CPNE8: variants seen among roughly 807,000 people sequenced by gnomAD.
CPNE8 encodes the protein copine-8.
Under a neutral mutation model 81.5 loss-of-function variants are expected in CPNE8, and 45 were observed. That is an observed-to-expected ratio of 0.55 (90% confidence interval 0.44 to 0.71). The LOEUF (loss-of-function observed/expected upper bound fraction) is 0.71, where lower values mean the gene tolerates loss of function less well. Among genes scored for constraint, CPNE8 ranks in the 30% least tolerant of loss-of-function variants. CPNE8 has a pLI of 0.00. For synonymous variants in CPNE8, 252 were observed against 226.3 expected, an observed-to-expected ratio of 1.11 and a Z score of -1.02; for missense variants, 594 against 672.1, an observed-to-expected ratio of 0.88 and a Z score of 1.28.
intron 19 of CPNE8, among the ~76,000 whole-genome samples, chr12:38,659,676 AC>A (rs1938906224): frequency 6.6e-6 from 1 of 152,212 alleles, no homozygotes; most frequent in South Asian, 2.1e-4. Context: ...ATGTAAAAGA[AC>A]AAAAATCACA....
Position 38,839,939 on chromosome 12 carries a change from T to C in CPNE8, c.307A>G (p.Lys103Glu). 6.3e-7 allele frequency: 1 copy of C among 1,582,814 alleles called. No individual in the cohort carries two copies. Among genetic ancestry groups the C allele is most frequent in the Non-Finnish European group, 8.6e-7 (1 of 1,158,698 alleles). The change falls in exon 5 of 20, where the codon AAG becomes GAG. Residue 103 changes from lysine (K) to glutamate (E), a missense_variant. Physicochemically the swap from Lys to Glu is moderately conservative, Grantham distance 56. Transcript: ENST00000331366. The stretch of plus-strand genomic sequence containing the variant: ...ACATGTTTGGATAAGTTGGGGCTCT[T>C]TGAATCAACATCATACCTAAAAGAT... ...LRFDLYDVDS[K>E]SPNLSKHDFL...
intron 6 of CPNE8, among the ~76,000 whole-genome samples, chr12:38,777,614 A>C (rs1941962891): frequency 6.6e-6 from 1 of 152,268 alleles, no homozygotes; most frequent in South Asian, 2.1e-4. Context: ...ATTCATGGTA[A>C]GTACCCTACA....
At chr12:38,886,056 AG>A (rs1377945906) in intron 1 of CPNE8, among the ~76,000 whole-genome samples, 1 of 152,150 alleles carries the variant, frequency 6.6e-6, no homozygotes, top group African/African-American at 2.4e-5. Flanking sequence ...CTTTACAGCA[AG>A]GGGAGAACAG....
At chr12:38,875,018 A>AT (rs775895301) in intron 1 of CPNE8, among the ~76,000 whole-genome samples, 2 of 152,190 alleles carry the variant, frequency 1.3e-5, no homozygotes, top group Non-Finnish European at 2.9e-5. Flanking sequence ...TTATGTTGCT[A>AT]TTACGGTTTC....
intron 10 of CPNE8, among the ~76,000 whole-genome samples, chr12:38,739,705 G>T (rs114674444): frequency 2.0e-5 from 3 of 151,872 alleles, no homozygotes; most frequent in Non-Finnish European, 4.4e-5. Flanking sequence ...ATTAATTAGC[G>T]GATACCAAAA....
chr12:38,670,194 T>C (rs2136643083), intron 19 of CPNE8, among the ~76,000 whole-genome samples: 1 of 152,298 alleles, frequency 6.6e-6, no homozygotes, highest in Non-Finnish European at 1.5e-5. Flanking sequence ...TTTGCTCCCT[T>C]AAAATTTTGA....
At chr12:38,751,989 T>C (rs992439436) in intron 10 of CPNE8, among the ~76,000 whole-genome samples, 1 of 152,220 alleles carries the variant, frequency 6.6e-6, no homozygotes, top group African/African-American at 2.4e-5. Flanking sequence ...AAAAAATTCA[T>C]CCTCAGTATT....
chr12:38,754,557 T>A (rs1320726404), intron 10 of CPNE8, among the ~76,000 whole-genome samples: 1 of 151,948 alleles, frequency 6.6e-6, no homozygotes. Flanking sequence ...TTAATTAATA[T>A]AATTTCTATT....
chr12:38,704,406 A>G (rs1940034128), intron 13 of CPNE8, among the ~76,000 whole-genome samples: 1 of 152,078 alleles, frequency 6.6e-6, no homozygotes. Context: ...GTATTTACAG[A>G]TATAGATAAA....
At chr12:38,760,124 A>G (rs925751785) in intron 10 of CPNE8, among the ~76,000 whole-genome samples, 1 of 152,144 alleles carries the variant, frequency 6.6e-6, no homozygotes, top group African/African-American at 2.4e-5. Context: ...TTTCCCATTT[A>G]TCATTCTCCT....
At chr12:38,892,000 G>C (rs2137144280) in intron 1 of CPNE8, among the ~76,000 whole-genome samples, 1 of 152,316 alleles carries the variant, frequency 6.6e-6, no homozygotes, top group South Asian at 2.1e-4. Context: ...GAATGTACAA[G>C]AAATGTTGTC....
At chr12:38,837,993 A>G (rs1377161345) in intron 5 of CPNE8, among the ~76,000 whole-genome samples, 1 of 152,126 alleles carries the variant, frequency 6.6e-6, no homozygotes, top group Non-Finnish European at 1.5e-5. Context: ...GTCACTAGTG[A>G]CTATTAAAGG....
intron 18 of CPNE8, among the ~76,000 whole-genome samples, chr12:38,671,854 A>G (rs1365448154): frequency 6.6e-6 from 1 of 152,116 alleles, no homozygotes; most frequent in Non-Finnish European, 1.5e-5. Context: ...AGTATACATA[A>G]TTAACAGAGA....
intron 4 of CPNE8, among the ~76,000 whole-genome samples, chr12:38,848,311 G>A (rs962804130): frequency 6.6e-6 from 1 of 152,076 alleles, no homozygotes; most frequent in African/African-American, 2.4e-5. Context: ...CTGAAGCACA[G>A]GGCAGTTGGG....
chr12:38,857,961 C>A (rs1943771041), intron 3 of CPNE8, among the ~76,000 whole-genome samples: 1 of 152,178 alleles, frequency 6.6e-6, no homozygotes, highest in Non-Finnish European at 1.5e-5. Flanking sequence ...TCCCTCCCTC[C>A]TTTTATTCAG....
chr12:38,721,848 C>A (rs1244953561), intron 13 of CPNE8, among the ~76,000 whole-genome samples: 1 of 152,196 alleles, frequency 6.6e-6, no homozygotes, highest in Admixed American at 6.5e-5. Context: ...TCTGGTCCAG[C>A]CATAGCCTTG....
At chr12:38,701,910 C>T (rs1315147575) in intron 14 of CPNE8, among the ~76,000 whole-genome samples, 2 of 152,106 alleles carry the variant, frequency 1.3e-5, no homozygotes, top group African/African-American at 2.4e-5. Context: ...GAATTAGAGT[C>T]TGGTCTTATC....
chr12:38,737,083 G>C (rs1352122), intron 10 of CPNE8, among the ~76,000 whole-genome samples: 1 of 151,582 alleles, frequency 6.6e-6, no homozygotes, highest in East Asian at 1.9e-4. Context: ...TTAAACTATA[G>C]GCCAGTAAGT....
chr12:38,847,704 T>C (rs935026016), intron 4 of CPNE8, among the ~76,000 whole-genome samples: 1 of 152,184 alleles, frequency 6.6e-6, no homozygotes, highest in Non-Finnish European at 1.5e-5. Flanking sequence ...GAAAGACTAG[T>C]AACAGTAAAG....
Sources: gnomAD v4.1 joint callset for allele counts (sites outside exome capture counted in the v4.1 genomes callset) on GRCh38, gnomAD v4.1.1 for gene constraint, MANE v1.5 for transcripts, NCBI Gene and HGNC (gene_info 2026-07-23, HGNC 2026-07-21) for gene names.